The following ROCK2 variants were observed in gnomAD, a reference collection of about 807,000 sequenced individuals.
The protein encoded by ROCK2 is Rho associated coiled-coil containing protein kinase 2.
ROCK2 carries 61 observed loss-of-function variants against 195.1 expected under a neutral mutation model. That is an observed-to-expected ratio of 0.31 (90% CI 0.25 to 0.39). ROCK2 has a LOEUF of 0.39. Among genes scored for constraint, ROCK2 ranks in the 10% least tolerant of loss-of-function variants. The probability of loss-of-function intolerance (pLI) is 1.00; values close to 1 mark genes in which losing one functional copy is unlikely to be tolerated. For missense variants in ROCK2, 1,109 were observed against 1,637.4 expected (o/e 0.68, Z 5.57); for synonymous variants, 504 against 545.5 (o/e 0.92, Z 1.06).
At position 11,290,422 on chromosome 2, in the gene ROCK2, G is replaced by C. The variant is rs182054035; in HGVS notation, c.142-2686C>G. Among the ~76,000 whole-genome samples, 765 of 152,134 alleles carry C rather than the reference G, an allele frequency of 5.0e-3. 4 individuals are homozygous for C. Among genetic ancestry groups the C allele is most frequent in the African/African-American group, 0.017 (696 of 41,494 alleles). On this transcript the variant is annotated intron_variant, in intron 1 of 32. Transcript: ENST00000315872. ...AAGAGCAGCCTGGGCAACACAGCAA[G>C]ACCCCATCTCATTTTTTTTAAAAAT...
intron 3 of ROCK2, among the ~76,000 whole-genome samples, chr2:11,258,240 G>C (rs1183811362): frequency 1.3e-5 from 2 of 151,326 alleles, no homozygotes; most frequent in Non-Finnish European, 2.9e-5. Flanking sequence ...GTGAATAAGT[G>C]ACTGACTGAA....
At chr2:11,330,302 T>C (rs1046249568) in intron 1 of ROCK2, among the ~76,000 whole-genome samples, 1 of 152,208 alleles carries the variant, frequency 6.6e-6, no homozygotes, top group African/African-American at 2.4e-5. Context: ...TTATTATATG[T>C]CACTCTAGAG....
rs147450954 is a variant in ROCK2 at position 11,295,071 on chromosome 2, G to A, written c.142-7335C>T. 9.1e-3 allele frequency among the ~76,000 whole-genome samples: 1,390 copies of A among 152,064 alleles called. 13 individuals are homozygous for A. Among genetic ancestry groups the A allele is most frequent in the African/African-American group, 0.031 (1,275 of 41,460 alleles). On this transcript the variant is annotated intron_variant, in intron 1 of 32. Transcript: ENST00000315872. Reference sequence around the variant, plus strand: ...CCCAAAGTGCTAGGATTACAGGTGTGAGCCACTGTGCCCAGCCTGCATTAC... The same window carrying A: ...CCCAAAGTGCTAGGATTACAGGTGTAAGCCACTGTGCCCAGCCTGCATTAC...
chr2:11,293,218 C>T (rs1190903324), intron 1 of ROCK2, among the ~76,000 whole-genome samples: 2 of 152,156 alleles, frequency 1.3e-5, no homozygotes, highest in Non-Finnish European at 2.9e-5. Context: ...TTAGTGGCAA[C>T]TTAAATTGAG....
chr2:11,211,385 G>A (rs780991433), intron 18 of ROCK2, among the ~76,000 whole-genome samples: 2 of 152,084 alleles, frequency 1.3e-5, no homozygotes, highest in Non-Finnish European at 2.9e-5. Flanking sequence ...CACGTATACC[G>A]AGTGGTACAG....
chr2:11,243,716 G>A (rs1430004025), intron 4 of ROCK2, among the ~76,000 whole-genome samples: 2 of 152,158 alleles, frequency 1.3e-5, no homozygotes, highest in Non-Finnish European at 2.9e-5. Context: ...ATGAGAAACT[G>A]TCACAGCCAA....
At chr2:11,236,541 T>C (rs1178031936) in intron 4 of ROCK2, among the ~76,000 whole-genome samples, 3 of 152,180 alleles carry the variant, frequency 2.0e-5, no homozygotes, top group African/African-American at 7.2e-5. Flanking sequence ...ACATTCAGTT[T>C]ACTGAGACTA....
At chr2:11,248,106 C>A (rs528262147) in intron 4 of ROCK2, among the ~76,000 whole-genome samples, 3 of 151,604 alleles carry the variant, frequency 2.0e-5, no homozygotes, top group Non-Finnish European at 2.9e-5. Context: ...CTATTCACTG[C>A]CTACAATTTA....
intron 11 of ROCK2, 123 bp from the exon 12 acceptor site, chr2:11,217,292 C>A: frequency 1.4e-6 from 1 of 739,860 alleles, no homozygotes; most frequent in Non-Finnish European, 2.5e-6. Context: ...TATAATGGTA[C>A]AGTATTTGTA....
At chr2:11,324,840 C>CA (rs536513761) in intron 1 of ROCK2, among the ~76,000 whole-genome samples, 110 of 152,338 alleles carry the variant, frequency 7.2e-4, no homozygotes, top group Non-Finnish European at 1.2e-3. Context: ...CTCTATTCAA[C>CA]ATGACAGGTC....
chr2:11,338,414 T>C (rs551687344), intron 1 of ROCK2, among the ~76,000 whole-genome samples: 42 of 152,032 alleles, frequency 2.8e-4, no homozygotes, highest in Admixed American at 1.2e-3. Context: ...AATCCAACCA[T>C]GGATCAAAAA....
intron 4 of ROCK2, among the ~76,000 whole-genome samples, chr2:11,243,010 T>G (rs1665482686): frequency 6.6e-6 from 1 of 152,072 alleles, no homozygotes; most frequent in Admixed American, 6.6e-5. Flanking sequence ...CACTTTCTAG[T>G]GCCTGGGACC....
intron 1 of ROCK2, among the ~76,000 whole-genome samples, chr2:11,317,576 TTATATATATATATATATATA>T (rs1156983946): frequency 3.4e-5 from 1 of 29,584 alleles, no homozygotes; most frequent in African/African-American, 1.6e-4. Context: ...ATCTACACAT[TTATATATATATATATATATA>T]TATATATATA....
rs762796805 is a variant in ROCK2, at chr2:11,197,652, A to G, written c.3153T>C (p.Gly1051=). ...IMNRKEPVKR[G]NDTDVRRKEK... is the part of the protein sequence containing the mutation. ...CTTTTCTCCGCACATCTGTGTCATT[A>G]CCACGCTTGACAGGTTCTTTTCGAT... is the stretch of plus-strand genomic sequence containing the variant. The change falls in exon 26 of 33, where the codon GGT becomes GGC. Residue 1051 remains glycine (G), a synonymous_variant. Transcript: ENST00000315872. This position sits in a 1 kb window ranked among gnomAD's most constrained non-coding sequence, Gnocchi z 4.9. 3 of 1,609,868 alleles carry G rather than the reference A, an allele frequency of 1.9e-6. No homozygotes were observed. The highest frequency in any genetic ancestry group is 2.5e-6 in the Non-Finnish European group (3 of 1,177,838).
intron 1 of ROCK2, among the ~76,000 whole-genome samples, chr2:11,312,362 TCAC>T (rs1285055677): frequency 1.3e-5 from 2 of 152,064 alleles, no homozygotes; most frequent in Non-Finnish European, 2.9e-5. Flanking sequence ...CATAAAATCA[TCAC>T]CACAGTCACT....
At chr2:11,330,985 GGA>G (rs1668741519) in intron 1 of ROCK2, among the ~76,000 whole-genome samples, 1 of 27,300 alleles carries the variant, frequency 3.7e-5, no homozygotes. Flanking sequence ...GGGAGGAGAA[GGA>G]AAGAGGAGGA....
At chr2:11,308,406 T>C in intron 1 of ROCK2, 1 of 1,597,900 alleles carries the variant, frequency 6.3e-7, no homozygotes. Flanking sequence ...GAAGAGAATT[T>C]GGAATCTGAA....
intron 19 of ROCK2, 74 bp downstream of exon 19, chr2:11,208,213 C>A: frequency 1.0e-6 from 1 of 962,704 alleles, no homozygotes; most frequent in Non-Finnish European, 1.4e-6. Context: ...ATTATGAAAC[C>A]ATCACTAGAC....
At chr2:11,250,152 A>C (rs1163475174) in intron 3 of ROCK2, among the ~76,000 whole-genome samples, 2 of 152,216 alleles carry the variant, frequency 1.3e-5, no homozygotes, top group Non-Finnish European at 2.9e-5. Flanking sequence ...GTCTACTGAA[A>C]AAAAACCATT....
Sources: gnomAD v4.1 joint callset for allele counts (sites outside exome capture counted in the v4.1 genomes callset) on GRCh38, gnomAD v4.1.1 for gene constraint, Gnocchi (gnomAD v3.1) non-coding constraint, MANE v1.5 for transcripts, NCBI Gene and HGNC (gene_info 2026-07-23, HGNC 2026-07-21) for gene names.